Variants in SAMD5 observed in about 807,000 individuals in gnomAD.
SAMD5 encodes the protein sterile alpha motif domain containing 5, also known as sterile alpha motif domain-containing protein 5.
SAMD5 carries 13 observed loss-of-function variants against 11.3 expected under a neutral mutation model. The ratio of observed to expected loss-of-function variants is 1.15; its 90% CI spans 0.75 to 1.83. The LOEUF (loss-of-function observed/expected upper bound fraction) is 1.83, where lower values mean the gene tolerates loss of function less well. Ranked by LOEUF, SAMD5 falls within the 40% of genes most tolerant of loss-of-function variation. The pLI is 0.00. For missense variants in SAMD5, 255 were observed against 239.1 expected (o/e 1.07, Z -0.44); for synonymous variants, 129 against 111.3 (o/e 1.16, Z -1.00).
chr6:147,804,129 T>TTTTTG, the SAMD5 span, among the ~76,000 whole-genome samples: 101 of 135,460 alleles, frequency 7.5e-4, no homozygotes, highest in African/African-American at 2.5e-3. Context: ...TTTTTTTTTT[T>TTTTTG]GATACAGTCT....
chr6:147,923,740 ATAGC>A, the SAMD5 span, among the ~76,000 whole-genome samples: 1 of 152,186 alleles, frequency 6.6e-6, no homozygotes, highest in African/African-American at 2.4e-5. Flanking sequence ...TTGAAGTCTG[ATAGC>A]TCAAAGTAAA....
At chr6:147,717,692 T>C (rs1309274517) in intron 1 of SAMD5, among the ~76,000 whole-genome samples, 3 of 152,114 alleles carry the variant, frequency 2.0e-5, no homozygotes, top group Admixed American at 6.6e-5. Flanking sequence ...TACTAAAAAA[T>C]ACAAAAACTA....
At chr6:147,705,399 C>T (rs938052401) in intron 1 of SAMD5, among the ~76,000 whole-genome samples, 11 of 152,130 alleles carry the variant, frequency 7.2e-5, no homozygotes, top group East Asian at 1.9e-4. Context: ...AATTTTAAAA[C>T]GAATAATTTT....
chr6:147,592,406 G>A (rs1224674912), intron 1 of SAMD5, among the ~76,000 whole-genome samples: 2 of 152,038 alleles, frequency 1.3e-5, no homozygotes, highest in African/African-American at 2.4e-5. Context: ...TGGGAGTGCG[G>A]GAGAGGCACT....
At chr6:147,862,861 GT>G in the SAMD5 span, among the ~76,000 whole-genome samples, 18 of 151,004 alleles carry the variant, frequency 1.2e-4, no homozygotes, top group South Asian at 2.1e-4. Flanking sequence ...TAGAAAGGAG[GT>G]TTTTTTTTGT....
At chr6:147,782,273 A>G in the SAMD5 span, among the ~76,000 whole-genome samples, 1 of 152,206 alleles carries the variant, frequency 6.6e-6, no homozygotes, top group South Asian at 2.1e-4. Context: ...AATATGACAA[A>G]GCTCCAACAC....
chr6:147,508,777 C>T lies in SAMD5; in HGVS notation c.-152C>T. ...CCTCAGGCTTCTTCTGATGGTTTTCCGTCTCCTGCCCGAGCCTTTCCTTTA... is the reference window on the plus strand; with the variant it reads ...CCTCAGGCTTCTTCTGATGGTTTTCTGTCTCCTGCCCGAGCCTTTCCTTTA... On this transcript the variant is annotated 5_prime_UTR_variant, in exon 1 of 2. Transcript: ENST00000367474. 2.5e-6 allele frequency: 3 copies of T among 1,200,176 alleles called. No individual in the cohort carries two copies. The highest frequency in any genetic ancestry group is 6.1e-5 in the East Asian group (2 of 32,592). 74.3% of individuals were successfully genotyped at this position (1,200,176 alleles called of 1,614,324 possible).
At chr6:147,602,858 G>T (rs1789644053) in intron 1 of SAMD5, among the ~76,000 whole-genome samples, 1 of 152,064 alleles carries the variant, frequency 6.6e-6, no homozygotes, top group Non-Finnish European at 1.5e-5. Flanking sequence ...ATAGAAGAGA[G>T]AAATATTCAG....
intron 1 of SAMD5, among the ~76,000 whole-genome samples, chr6:147,672,127 A>G (rs984889696): frequency 6.6e-6 from 1 of 151,988 alleles, no homozygotes; most frequent in African/African-American, 2.4e-5. Flanking sequence ...ATAAAATATT[A>G]TAGCATGTGT....
At chr6:147,687,842 C>T (rs1343216287) in intron 1 of SAMD5, among the ~76,000 whole-genome samples, 10 of 152,060 alleles carry the variant, frequency 6.6e-5, no homozygotes, top group African/African-American at 1.2e-4. Flanking sequence ...TTGAGGGTAA[C>T]GTGTTTTTAT....
At chr6:147,880,645 T>C in the SAMD5 span, among the ~76,000 whole-genome samples, 3 of 152,164 alleles carry the variant, frequency 2.0e-5, no homozygotes, top group Non-Finnish European at 4.4e-5. Context: ...CAATCCCACT[T>C]GGGAACCTTG....
At chr6:147,721,007 GT>G (rs1162593340) in intron 1 of SAMD5, among the ~76,000 whole-genome samples, 1 of 118,316 alleles carries the variant, frequency 8.5e-6, no homozygotes, top group Non-Finnish European at 1.7e-5. Flanking sequence ...TTTCATCCAT[GT>G]CCCTACAAAG....
the SAMD5 span, among the ~76,000 whole-genome samples, chr6:147,839,711 C>A: frequency 6.6e-6 from 1 of 152,182 alleles, no homozygotes; most frequent in Non-Finnish European, 1.5e-5. Context: ...GGTGGCACCA[C>A]TGCACTCCAG....
chr6:147,751,894 G>A, the SAMD5 span, among the ~76,000 whole-genome samples: 2 of 152,084 alleles, frequency 1.3e-5, no homozygotes, highest in East Asian at 3.9e-4. Context: ...ATAAATAGAA[G>A]ATGGTACATA....
At chr6:147,847,704 C>A in the SAMD5 span, among the ~76,000 whole-genome samples, 1 of 152,038 alleles carries the variant, frequency 6.6e-6, no homozygotes, top group East Asian at 1.9e-4. Context: ...AATACAAAAA[C>A]CAGCTGGGCA....
At chr6:147,924,598 T>G in the SAMD5 span, among the ~76,000 whole-genome samples, 3 of 151,942 alleles carry the variant, frequency 2.0e-5, no homozygotes, top group East Asian at 3.9e-4. Context: ...CATTTACTAG[T>G]CATAGGAAGT....
rs2128450450 is a variant in SAMD5 at position 147,623,044 on chromosome 6, T to A, written c.162+113657T>A. 2.6e-5 allele frequency among the ~76,000 whole-genome samples: 4 copies of A among 152,334 alleles called. 1 individual carries two copies. In the South Asian group the frequency reaches 8.3e-4, roughly 32 times the overall value. ...TCCCTCCCACAACACATGGGAATTA[T>A]GGAAGCTACAATTCAAGGTGAGATT... is the stretch of plus-strand genomic sequence containing the variant. On this transcript the variant is annotated intron_variant, in intron 1 of 1. Transcript: ENST00000566741.
At chr6:147,591,934 G>A (rs571780036) in intron 1 of SAMD5, among the ~76,000 whole-genome samples, 1 of 152,042 alleles carries the variant, frequency 6.6e-6, no homozygotes, top group Non-Finnish European at 1.5e-5. Context: ...TCTGTCTCTA[G>A]AAGTCTCCCC....
intron 1 of SAMD5, among the ~76,000 whole-genome samples, chr6:147,634,231 C>G (rs1467867352): frequency 2.6e-5 from 4 of 152,118 alleles, no homozygotes; most frequent in African/African-American, 9.7e-5. Context: ...GCAGGCTGTA[C>G]AGGAAGTATA....
Sources: allele counts gnomAD v4.1 joint callset (sites outside exome capture counted in the v4.1 genomes callset), GRCh38; gene constraint gnomAD v4.1.1; transcripts MANE v1.5; gene names NCBI Gene and HGNC (gene_info 2026-07-23, HGNC 2026-07-21).